Variants in MTHFD1L observed in about 807,000 individuals in gnomAD.
MTHFD1L encodes the protein methylenetetrahydrofolate dehydrogenase (NADP+ dependent) 1 like, also known as monofunctional C1-tetrahydrofolate synthase, mitochondrial.
MTHFD1L carries 81 observed loss-of-function variants against 119.5 expected under a neutral mutation model. The ratio of observed to expected loss-of-function variants is 0.68; its 90% CI spans 0.57 to 0.82. The LOEUF (loss-of-function observed/expected upper bound fraction) is 0.82, where lower values mean the gene tolerates loss of function less well. Ranked by LOEUF, MTHFD1L falls within the 40% of genes least tolerant of loss-of-function variation. MTHFD1L has a pLI of 0.00. For missense variants in MTHFD1L, 1,125 were observed against 1,253.4 expected (o/e 0.90, Z 1.55); for synonymous variants, 430 against 475.2 (o/e 0.90, Z 1.24).
chr6:151,064,992 T>A (rs1791077320), intron 26 of MTHFD1L, among the ~76,000 whole-genome samples: 1 of 151,972 alleles, frequency 6.6e-6, no homozygotes, highest in Non-Finnish European at 1.5e-5. Context: ...TTAGTAGAGA[T>A]GAGGTTTCAC....
intron 20 of MTHFD1L, among the ~76,000 whole-genome samples, chr6:150,988,243 T>G (rs928397917): frequency 6.6e-6 from 1 of 152,224 alleles, no homozygotes; most frequent in East Asian, 1.9e-4. Flanking sequence ...TTTTGAGAAT[T>G]TTTAAAAATA....
intron 20 of MTHFD1L, among the ~76,000 whole-genome samples, chr6:150,993,167 TTTCAGG>T (rs1451634485): frequency 1.4e-4 from 22 of 152,208 alleles, no homozygotes; most frequent in Non-Finnish European, 8.8e-5. Context: ...TGTTTTTACT[TTTCAGG>T]GACAGGCAAC....
intron 7 of MTHFD1L, among the ~76,000 whole-genome samples, chr6:150,900,614 C>T (rs1784955426): frequency 1.3e-5 from 2 of 152,216 alleles, no homozygotes; most frequent in African/African-American, 2.4e-5. Context: ...TTTCCTCCTA[C>T]CCCTTCTAAG....
intron 16 of MTHFD1L, among the ~76,000 whole-genome samples, chr6:150,949,456 C>CT (rs1794538208): frequency 6.6e-6 from 1 of 151,750 alleles, no homozygotes; most frequent in African/African-American, 2.4e-5. Context: ...AAAAAAGAAA[C>CT]TTTTTTTAAA....
chr6:150,912,803 G>T, intron 8 of MTHFD1L: 2 of 394,290 alleles, frequency 5.1e-6, no homozygotes, highest in Non-Finnish European at 1.1e-5. Context: ...TGAGATCCTC[G>T]TTGGACTGTG....
chr6:150,877,752 A>T, intron 3 of MTHFD1L, 21 bp from the exon 4 acceptor site: 1 of 1,614,210 alleles, frequency 6.2e-7, no homozygotes. Flanking sequence ...AGTGACGAAT[A>T]ACCTTGTGTT....
chr6:150,962,812 GTAGGAAAAC>G (rs1275936125), intron 18 of MTHFD1L, among the ~76,000 whole-genome samples: 1 of 152,046 alleles, frequency 6.6e-6, no homozygotes, highest in Non-Finnish European at 1.5e-5. Flanking sequence ...GTACAGAGAA[GTAGGAAAAC>G]TACTCCTCTT....
At chr6:150,943,270 G>A (rs962955578) in intron 13 of MTHFD1L, among the ~76,000 whole-genome samples, 27 of 150,308 alleles carry the variant, frequency 1.8e-4, no homozygotes, top group Non-Finnish European at 3.0e-4. Flanking sequence ...GCGAAACTCC[G>A]TCTCAAAAAA....
chr6:151,000,637 A>G (rs1418719254), intron 20 of MTHFD1L, among the ~76,000 whole-genome samples: 2 of 152,208 alleles, frequency 1.3e-5, no homozygotes, highest in African/African-American at 4.8e-5. Flanking sequence ...TAATTGAATG[A>G]TTTATCCTGG....
chr6:151,044,048 G>A (rs1430934497), intron 26 of MTHFD1L, among the ~76,000 whole-genome samples: 2 of 151,792 alleles, frequency 1.3e-5, no homozygotes, highest in East Asian at 3.9e-4. Context: ...TTAGATGGTA[G>A]TCAGTGCCAT....
chr6:150,882,714 C>T lies in MTHFD1L; in HGVS notation c.418-48C>T, dbSNP rs371160828. 31 of 1,331,362 alleles carry T rather than the reference C, an allele frequency of 2.3e-5. No homozygotes were observed. The African/African-American group carries it at 4.7e-4, about 20-fold the overall frequency. 82.5% of individuals were successfully genotyped at this position (1,331,362 alleles called of 1,614,324 possible). ...ATATAAAGCTTCCTTTGTTGGGTCT[C>T]ATTTTCACAAAACTAATTTTTATTT... On this transcript the variant is annotated intron_variant, in intron 4 of 27. Coordinates refer to ENST00000367321, the MANE Select transcript of MTHFD1L (RefSeq NM_015440.5).
chr6:151,007,723 G>A (rs1018298073), intron 20 of MTHFD1L, among the ~76,000 whole-genome samples: 13 of 152,142 alleles, frequency 8.5e-5, no homozygotes, highest in Admixed American at 2.6e-4. Context: ...CTCTTTTGGG[G>A]TCCATGATGC....
At chr6:150,953,557 C>G (rs542106431) in intron 16 of MTHFD1L, among the ~76,000 whole-genome samples, 1 of 152,204 alleles carries the variant, frequency 6.6e-6, no homozygotes, top group East Asian at 1.9e-4. Flanking sequence ...ACCAGGAATT[C>G]CATTTTGGAT....
chr6:151,093,764 G>A (rs1794659494), intron 27 of MTHFD1L, among the ~76,000 whole-genome samples: 1 of 152,156 alleles, frequency 6.6e-6, no homozygotes, highest in Admixed American at 6.5e-5. Context: ...CAACAGGTGT[G>A]TTCGGCTCTC....
At chr6:151,034,351 G>T (rs1422352879) in intron 24 of MTHFD1L, 142 bp from the exon 25 acceptor site, 7 of 635,944 alleles carry the variant, frequency 1.1e-5, no homozygotes, top group Non-Finnish European at 1.7e-5. Context: ...AAAAAAGAGG[G>T]TTTGCTAGGA....
chr6:150,912,596 A>G (rs1199091445), intron 8 of MTHFD1L: 4 of 450,176 alleles, frequency 8.9e-6, no homozygotes, highest in South Asian at 1.7e-5. Context: ...CACTGCTCAT[A>G]TTAGTGAAAG....
chr6:150,992,508 G>T (rs541429221), intron 20 of MTHFD1L, among the ~76,000 whole-genome samples: 1 of 152,308 alleles, frequency 6.6e-6, no homozygotes, highest in Admixed American at 6.5e-5. Flanking sequence ...TCTGAAAGAG[G>T]AACAATCTTA....
intron 26 of MTHFD1L, among the ~76,000 whole-genome samples, chr6:151,077,457 A>G (rs1009610604): frequency 2.6e-5 from 4 of 151,986 alleles, no homozygotes; most frequent in Admixed American, 2.0e-4. Context: ...AGCCTGGTCA[A>G]CCTGATGAAA....
intron 20 of MTHFD1L, among the ~76,000 whole-genome samples, chr6:150,990,651 A>G (rs1211474550): frequency 6.6e-6 from 1 of 151,808 alleles, no homozygotes; most frequent in African/African-American, 2.4e-5. Context: ...TAGTAGAGAC[A>G]GGGCTTCACC....
Sources: gnomAD v4.1 joint callset for allele counts (sites outside exome capture counted in the v4.1 genomes callset) on GRCh38, gnomAD v4.1.1 for gene constraint, MANE v1.5 for transcripts, NCBI Gene and HGNC (gene_info 2026-07-23, HGNC 2026-07-21) for gene names.